The following CLPTM1L variants were observed in gnomAD, a reference collection of about 807,000 sequenced individuals.
CLPTM1L encodes the protein CLPTM1 like, also known as lipid scramblase CLPTM1L.
CLPTM1L carries 38 observed loss-of-function variants against 70.9 expected under a neutral mutation model. The ratio of observed to expected loss-of-function variants is 0.54; its 90% CI spans 0.41 to 0.70. The LOEUF is 0.70. CLPTM1L is among the 30% of genes least tolerant of loss of function. CLPTM1L has a pLI of 0.00. For missense variants in CLPTM1L, 652 were observed against 705.9 expected (o/e 0.92, Z 0.87); for synonymous variants, 339 against 299.9 (o/e 1.13, Z -1.35).
chr5:1,339,056 AG>A, intron 3 of CLPTM1L, 51 bp from the exon 4 acceptor site: 5 of 1,587,420 alleles, frequency 3.1e-6, no homozygotes, highest in Non-Finnish European at 3.4e-6. Flanking sequence ...AACCATGCCC[AG>A]GACAGCAGGG....
intron 5 of CLPTM1L, among the ~76,000 whole-genome samples, chr5:1,337,009 A>G (rs1461753569): frequency 6.6e-6 from 1 of 152,192 alleles, no homozygotes; most frequent in African/African-American, 2.4e-5. Context: ...AAAAGGGGAA[A>G]GGGCCCGCCT....
chr5:1,332,630 T>A (rs1018573362), intron 7 of CLPTM1L, among the ~76,000 whole-genome samples: 3 of 152,202 alleles, frequency 2.0e-5, no homozygotes, highest in Admixed American at 6.5e-5. Flanking sequence ...AGCCTTGCTT[T>A]ACCCATGGTT....
chr5:1,333,697 CA>C (rs1753339567), intron 7 of CLPTM1L, among the ~76,000 whole-genome samples: 4 of 40,272 alleles, frequency 9.9e-5, no homozygotes, highest in South Asian at 6.3e-4. Flanking sequence ...AGACACACCG[CA>C]AGAGGATAAG....
At chr5:1,325,665 C>A in intron 10 of CLPTM1L, 86 bp downstream of exon 10, 1 of 1,105,388 alleles carries the variant, frequency 9.0e-7, no homozygotes, top group South Asian at 1.3e-5. Flanking sequence ...GACTCATCTG[C>A]AGATGGCCAT....
Position 1,338,857 on chromosome 5 carries a change from T to A in CLPTM1L, c.599+3A>T, listed in dbSNP as rs1753753292. On this transcript the variant is annotated splice_donor_region_variant and intron_variant, in intron 4 of 16. Transcript: ENST00000320895. ...GGCGCTCCAGCTCTGGGGCCCCACT[T>A]ACATCTTCATGTACCGATGCACATC... 1 of 1,613,034 alleles carries A rather than the reference T, an allele frequency of 6.2e-7. No individual in the cohort carries two copies. Among genetic ancestry groups the A allele is most frequent in the Non-Finnish European group, 8.5e-7 (1 of 1,180,004 alleles).
intron 10 of CLPTM1L, 41 bp from the exon 11 acceptor site, chr5:1,324,854 G>A (rs1277588991): frequency 6.3e-7 from 1 of 1,577,912 alleles, no homozygotes; most frequent in Admixed American, 1.7e-5. Flanking sequence ...TAGACTCAGG[G>A]AGGATCTGAG....
chr5:1,320,571 G>A (rs1000767871), intron 16 of CLPTM1L, 45 bp downstream of exon 16: 7 of 1,094,208 alleles, frequency 6.4e-6, no homozygotes, highest in East Asian at 3.0e-5. Context: ...CAGCAGCCAC[G>A]CCGCTGAGAC....
chr5:1,344,605 G>T, intron 1 of CLPTM1L, 75 bp downstream of exon 1: 2 of 1,500,986 alleles, frequency 1.3e-6, no homozygotes, highest in South Asian at 1.2e-5. Flanking sequence ...AACTGGGACG[G>T]GAAGGCGACG....
chr5:1,321,623 T>A lies in CLPTM1L; in HGVS notation c.1416+12A>T. The A allele has an allele frequency of 6.2e-7, 1 of 1,613,070 alleles. No individual in the cohort carries two copies. The highest frequency in any genetic ancestry group is 8.5e-7 in the Non-Finnish European group (1 of 1,179,294). On this transcript the variant is annotated intron_variant, in intron 15 of 16. Coordinates refer to ENST00000320895, the MANE Select transcript of CLPTM1L (RefSeq NM_030782.5). ...CAGTGAGAAGGGATTCCTCACCGGC[T>A]GTCACACTCACCTTGTAGGTGAAGG...
At chr5:1,319,436 C>T (rs1479867086) in intron 16 of CLPTM1L, among the ~76,000 whole-genome samples, 1 of 152,188 alleles carries the variant, frequency 6.6e-6, no homozygotes, top group East Asian at 1.9e-4. Flanking sequence ...GTGCCAACTG[C>T]ACCCGAACAA....
intron 8 of CLPTM1L, chr5:1,331,513 C>T (rs1292102328): frequency 5.8e-6 from 3 of 521,630 alleles, no homozygotes; most frequent in African/African-American, 3.8e-5. Context: ...GCATCTCACT[C>T]TCCACAGCCC....
In CLPTM1L at chr5:1,321,704, G is replaced by A. The variant is rs369134931; in HGVS notation, c.1372-25C>T. On this transcript the variant is annotated intron_variant, in intron 14 of 16. Coordinates refer to ENST00000320895, the MANE Select transcript of CLPTM1L (RefSeq NM_030782.5). Reference sequence around the variant, plus strand: ...ACTGAAACAGGAGAGACAGGCCCAGGTCAGCTGTGGGCAGCACAGGAGACG... The same window carrying A: ...ACTGAAACAGGAGAGACAGGCCCAGATCAGCTGTGGGCAGCACAGGAGACG... 35 of 1,613,836 alleles carry A rather than the reference G, an allele frequency of 2.2e-5. No homozygotes were observed. In the African/African-American group the frequency reaches 3.9e-4, roughly 18 times the overall value.
intron 2 of CLPTM1L, among the ~76,000 whole-genome samples, chr5:1,343,222 T>C (rs1302529308): frequency 6.6e-6 from 1 of 151,968 alleles, no homozygotes; most frequent in Non-Finnish European, 1.5e-5. Context: ...GCCAAAGTTG[T>C]AATGAAAAAC....
Position 1,334,268 on chromosome 5 carries a change from GC to G in CLPTM1L, c.891+20del, listed in dbSNP as rs752330018. 139 of 1,599,436 alleles carry G rather than the reference GC, an allele frequency of 8.7e-5. 1 individual carries two copies. The South Asian group carries it at 1.1e-3, about 13-fold the overall frequency. ...GGAGCCCCCCAAGTGCCTGCGGCAA[GC>G]CCCCCGGTGGATGACTCACATGGAA... is the stretch of plus-strand genomic sequence containing the variant. On this transcript the variant is annotated intron_variant, in intron 7 of 16. Coordinates refer to ENST00000320895, the MANE Select transcript of CLPTM1L (RefSeq NM_030782.5).
In CLPTM1L at chr5:1,341,795, A is replaced by G. The variant is rs770219747; in HGVS notation, c.329T>C (p.Leu110Pro). 6.2e-7 allele frequency: 1 copy of G among 1,613,984 alleles called. No homozygotes were observed. Among genetic ancestry groups the G allele is most frequent in the Non-Finnish European group, 8.5e-7 (1 of 1,180,010 alleles). ...CCACGGCAGGACCCCAGCGTGATGG[A>G]GGAAGATGTAGGCATACAGCGTCCC... ...NNGTLYAYIF[L>P]HHAGVLPWHD... Residue 110 changes from leucine (L) to proline (P), a missense_variant, in exon 3 of 17, where the codon CTC becomes CCC. Physicochemically the swap from Leu to Pro is moderately conservative, Grantham distance 98. Coordinates refer to ENST00000320895, the MANE Select transcript of CLPTM1L (RefSeq NM_030782.5).
In CLPTM1L at chr5:1,335,083, T is replaced by A; in HGVS notation, c.770A>T (p.Asp257Val). 6.2e-7 allele frequency: 1 copy of A among 1,613,362 alleles called. No homozygotes were observed. The highest frequency in any genetic ancestry group is 8.5e-7 in the Non-Finnish European group (1 of 1,179,952). The change falls in exon 6 of 17, where the codon GAC (aspartate) becomes GTC (valine). Residue 257 changes from aspartate to valine, a missense_variant. This residue lies in a region of CLPTM1L where 402 missense variants were observed against 388.2 expected (regional missense o/e 1.04). Coordinates refer to ENST00000320895, the MANE Select transcript of CLPTM1L (RefSeq NM_030782.5). Reference protein sequence around the residue: ...GRLRFWIHMQDAVYSLQQFGF... With the variant: ...GRLRFWIHMQVAVYSLQQFGF... ...GAACTGCTGCAGGGAGTACACGGCG[T>A]CCTGCATGTGGATCCAGAAGCGCAG... is the stretch of plus-strand genomic sequence containing the variant.
chr5:1,331,750 A>G lies in CLPTM1L; in HGVS notation c.976+49T>C, dbSNP rs777316786. 7.8e-6 allele frequency: 12 copies of G among 1,534,860 alleles called. 1 individual carries two copies. In the Admixed American group the frequency reaches 1.8e-4, roughly 23 times the overall value. The stretch of plus-strand genomic sequence containing the variant: ...CAGCCCTCTACCGCAGGCTCCAGTG[A>G]GCTCCCTGGGGCAGAGTATCTGAGC... On this transcript the variant is annotated intron_variant, in intron 8 of 16. Transcript: ENST00000320895.
chr5:1,340,390 C>G (rs1753865088), intron 3 of CLPTM1L, among the ~76,000 whole-genome samples: 1 of 152,228 alleles, frequency 6.6e-6, no homozygotes, highest in East Asian at 1.9e-4. Flanking sequence ...ACAGGGAAAT[C>G]TTAGCTCGGC....
intron 7 of CLPTM1L, among the ~76,000 whole-genome samples, chr5:1,333,489 C>G (rs1358577527): frequency 9.8e-6 from 1 of 101,744 alleles, no homozygotes. Flanking sequence ...GTATACACAC[C>G]AGATGAGGAT....
Sources: allele counts gnomAD v4.1 joint callset (sites outside exome capture counted in the v4.1 genomes callset), GRCh38; gene constraint gnomAD v4.1.1; regional missense constraint gnomAD v4.1.1; transcripts MANE v1.5; gene names NCBI Gene and HGNC (gene_info 2026-07-23, HGNC 2026-07-21).